The following EPN2 variants were observed in gnomAD, a reference collection of about 807,000 sequenced individuals.
The protein encoded by EPN2 is epsin 2, also known as epsin-2.
Under a neutral mutation model 61.7 loss-of-function variants are expected in EPN2, and 34 were observed. The ratio of observed to expected loss-of-function variants is 0.55; its 90% CI spans 0.42 to 0.73. EPN2 has a LOEUF of 0.73. Among genes scored for constraint, EPN2 ranks in the 30% least tolerant of loss-of-function variants. The pLI, the probability that EPN2 is intolerant of heterozygous loss-of-function variation, is 0.00. For synonymous variants in EPN2, 349 were observed against 353.6 expected (o/e 0.99, Z 0.15); for missense variants, 714 against 839.2 (o/e 0.85, Z 1.84).
chr17:19,310,285 G>A (rs183422763), intron 5 of EPN2, among the ~76,000 whole-genome samples: 5 of 149,236 alleles, frequency 3.4e-5, no homozygotes, highest in East Asian at 1.9e-4. Context: ...GTGCAGACAC[G>A]TGTCTGGGCT....
chr17:19,292,667 G>C (rs1186703423), intron 4 of EPN2, among the ~76,000 whole-genome samples: 2 of 152,246 alleles, frequency 1.3e-5, no homozygotes, highest in African/African-American at 4.8e-5. Flanking sequence ...TGCCACAAGG[G>C]CTTGGGTTTT....
intron 1 of EPN2, among the ~76,000 whole-genome samples, 160 bp from the exon 2 acceptor site, chr17:19,281,795 G>A (rs71369407): frequency 1.3e-5 from 2 of 152,116 alleles, no homozygotes; most frequent in Non-Finnish European, 2.9e-5. Flanking sequence ...CTTCCTATCC[G>A]GGCCCTAGCT....
chr17:19,289,744 T>TTTTTTTTTTG (rs2045444404), intron 4 of EPN2, among the ~76,000 whole-genome samples: 1 of 143,940 alleles, frequency 6.9e-6, no homozygotes, highest in African/African-American at 2.7e-5. Flanking sequence ...TTTTTTTTTT[T>TTTTTTTTTTG]GAGATGGAGT....
At chr17:19,291,751 C>T (rs1010494911) in intron 4 of EPN2, among the ~76,000 whole-genome samples, 58 of 152,222 alleles carry the variant, frequency 3.8e-4, no homozygotes, top group African/African-American at 1.4e-3. Flanking sequence ...CATTCTTAAA[C>T]CCAATGGGGA....
intron 7 of EPN2, among the ~76,000 whole-genome samples, chr17:19,322,732 C>A (rs1310091524): frequency 6.8e-6 from 1 of 146,002 alleles, no homozygotes. Context: ...AGAGCAAGAA[C>A]CTGTCTCTAA....
intron 1 of EPN2, among the ~76,000 whole-genome samples, chr17:19,258,475 G>A (rs758875719): frequency 1.4e-4 from 22 of 152,134 alleles, no homozygotes; most frequent in Non-Finnish European, 3.1e-4. Context: ...ATTCTTCTCC[G>A]TTTGGTGACG....
In EPN2 at chr17:19,283,698, G is replaced by A. The variant is rs1258237982; in HGVS notation, c.579G>A (p.Pro193=). The change falls in exon 3 of 11, where the codon CCG becomes CCA. Residue 193 remains proline, a synonymous_variant. Coordinates refer to ENST00000314728, the MANE Select transcript of EPN2 (RefSeq NM_014964.5). This position sits in a 1 kb window ranked among gnomAD's most constrained non-coding sequence, Gnocchi z 7.0. The part of the protein sequence containing the change: ...EQEYGKAGGS[P]ASYHGSPEAS... The stretch of plus-strand genomic sequence containing the variant: ...AGTATGGCAAGGCCGGGGGCTCCCC[G>A]GCCTCCTACCATGGCTGTGAGTAAT... The A allele has an allele frequency of 3.1e-6, 5 of 1,593,548 alleles. No homozygotes were observed. Among genetic ancestry groups the A allele is most frequent in the African/African-American group, 1.4e-5 (1 of 73,842 alleles).
chr17:19,290,843 G>A (rs953878893), intron 4 of EPN2, among the ~76,000 whole-genome samples: 1 of 152,136 alleles, frequency 6.6e-6, no homozygotes, highest in African/African-American at 2.4e-5. Context: ...TACCAGGTGG[G>A]GGCTGCTGCC....
At chr17:19,293,458 C>A (rs1598000762) in intron 4 of EPN2, among the ~76,000 whole-genome samples, 2 of 151,556 alleles carry the variant, frequency 1.3e-5, no homozygotes, top group Non-Finnish European at 2.9e-5. Context: ...CAGCCTCTAC[C>A]TCCCTGGGCT....
chr17:19,237,595 C>G (rs1011023512), intron 1 of EPN2, 64 bp downstream of exon 1: 1 of 152,418 alleles, frequency 6.6e-6, no homozygotes, highest in African/African-American at 2.4e-5. Flanking sequence ...CCCTCCCCCT[C>G]TCCAGGGCGC....
rs1390731712 is a variant in EPN2, at chr17:19,285,808, T to C, written c.766+18T>C. On this transcript the variant is annotated intron_variant, in intron 4 of 10. Coordinates refer to ENST00000314728, the MANE Select transcript of EPN2 (RefSeq NM_014964.5). The surrounding 1 kb of genome is among the most constrained non-coding windows in gnomAD (Gnocchi z 4.5). ...AGCCCGAGGTGGGACGGCGGTTTGC[T>C]TTTTTCCTTACTAGAAATGCTGGGC... is the stretch of plus-strand genomic sequence containing the variant. The C allele has an allele frequency of 6.4e-7, 1 of 1,554,502 alleles. No individual in the cohort carries two copies. Among genetic ancestry groups the C allele is most frequent in the Non-Finnish European group, 8.7e-7 (1 of 1,146,118 alleles).
At chr17:19,321,249 A>G (rs971749795) in intron 7 of EPN2, among the ~76,000 whole-genome samples, 10 of 152,098 alleles carry the variant, frequency 6.6e-5, no homozygotes, top group African/African-American at 2.4e-4. Flanking sequence ...GGTGACCACC[A>G]ACACTCAGAC....
intron 4 of EPN2, among the ~76,000 whole-genome samples, chr17:19,291,790 C>G (rs974901531): frequency 6.6e-6 from 1 of 152,124 alleles, no homozygotes; most frequent in Non-Finnish European, 1.5e-5. Flanking sequence ...CTTTCTTGTG[C>G]GCTGTTTCAT....
In EPN2 at chr17:19,329,558, C is replaced by T; in HGVS notation, c.1325-3C>T. 3 of 1,605,090 alleles carry T rather than the reference C, an allele frequency of 1.9e-6. No individual in the cohort carries two copies. The highest frequency in any genetic ancestry group is 2.6e-6 in the Non-Finnish European group (3 of 1,172,282). ...CCAGTCATTGGCTTCTGTGTCCACC[C>T]AGGGTCCTTTGAGCTCTTCAGTAAT... is the stretch of plus-strand genomic sequence containing the variant. On this transcript the variant is annotated splice_region_variant and splice_polypyrimidine_tract_variant and intron_variant, in intron 8 of 10. Coordinates refer to ENST00000314728, the MANE Select transcript of EPN2 (RefSeq NM_014964.5).
Position 19,283,516 on chromosome 17 carries a change from C to T in EPN2, c.397C>T (p.Leu133Phe), listed in dbSNP as rs764344854. ...VREKSKQLVA[L>F]LKDEERLKAE... ...TGAGAAGTCAAAGCAACTGGTGGCTCTCCTCAAGGACGAGGAACGGTTGAA... is the reference window on the plus strand; with the variant it reads ...TGAGAAGTCAAAGCAACTGGTGGCTTTCCTCAAGGACGAGGAACGGTTGAA... The change falls in exon 3 of 11, where the codon CTC becomes TTC. Residue 133 changes from leucine (L) to phenylalanine (F), a missense_variant. Leu to Phe is a conservative substitution (Grantham distance 22, BLOSUM62 0). Around this residue, in one of 2 missense-constraint regions of EPN2, gnomAD observed 304 missense variants for 417.4 expected, o/e 0.73. Coordinates refer to ENST00000314728, the MANE Select transcript of EPN2 (RefSeq NM_014964.5). This position sits in a 1 kb window ranked among gnomAD's most constrained non-coding sequence, Gnocchi z 7.0. 5.7e-5 allele frequency: 92 copies of T among 1,614,110 alleles called. No homozygotes were observed. Among genetic ancestry groups the T allele is most frequent in the Non-Finnish European group, 6.7e-5 (79 of 1,180,050 alleles).
At chr17:19,289,723 G>GTTT in intron 4 of EPN2, among the ~76,000 whole-genome samples, 1 of 27,520 alleles carries the variant, frequency 3.6e-5, no homozygotes, top group Non-Finnish European at 1.3e-4. Context: ...TGGCGCTCAT[G>GTTT]GTTTTTTTTT....
chr17:19,305,325 G>A (rs369117300), intron 4 of EPN2, among the ~76,000 whole-genome samples: 4 of 152,024 alleles, frequency 2.6e-5, no homozygotes, highest in Admixed American at 1.3e-4. Context: ...TTTTGCCCTC[G>A]TTGGCCAGGC....
chr17:19,244,701 A>C (rs2044926115), intron 1 of EPN2, among the ~76,000 whole-genome samples: 1 of 151,928 alleles, frequency 6.6e-6, no homozygotes, highest in South Asian at 2.1e-4. Flanking sequence ...GTGAGCCCCG[A>C]TGGTTTTTGA....
chr17:19,283,805 C>G lies in EPN2; in HGVS notation c.595+91C>G. 1 of 963,092 alleles carries G rather than the reference C, an allele frequency of 1.0e-6. No homozygotes were observed. The highest frequency in any genetic ancestry group is 1.5e-6 in the Non-Finnish European group (1 of 665,772). The allele number at this position is 963,092 out of a possible 1,614,324, so 59.7% of individuals were successfully genotyped here. The stretch of plus-strand genomic sequence containing the variant: ...TGTCTCTGGGCTTAGGGAGTGGTGG[C>G]CACTGCAGAGCTCGAACCTGTCCTC... On this transcript the variant is annotated intron_variant, in intron 3 of 10. Transcript: ENST00000314728. The surrounding 1 kb of genome is among the most constrained non-coding windows in gnomAD (Gnocchi z 7.0).
Sources: gnomAD v4.1 joint callset for allele counts (sites outside exome capture counted in the v4.1 genomes callset) on GRCh38, gnomAD v4.1.1 for gene constraint, gnomAD v4.1.1 regional missense constraint, Gnocchi (gnomAD v3.1) non-coding constraint, MANE v1.5 for transcripts, NCBI Gene and HGNC (gene_info 2026-07-23, HGNC 2026-07-21) for gene names.